Variants in EHD2 observed in about 807,000 individuals in gnomAD.
The protein encoded by EHD2 is EH domain containing 2, also known as EH domain-containing protein 2.
A neutral mutation model predicts 41.0 loss-of-function variants in EHD2; 27 were observed. The observed-to-expected ratio is 0.66, with a 90% CI of 0.49 to 0.91. The LOEUF is 0.91. Ranked by LOEUF, EHD2 falls within the 40% of genes least tolerant of loss-of-function variation. EHD2 has a pLI of 0.00. For synonymous variants in EHD2, 342 were observed against 341.0 expected, an observed-to-expected ratio of 1.00 and a Z score of -0.03; for missense variants, 673 against 773.9, an observed-to-expected ratio of 0.87 and a Z score of 1.55.
At chr19:47,721,611 C>T (rs1184389899) in intron 3 of EHD2, among the ~76,000 whole-genome samples, 1 of 152,032 alleles carries the variant, frequency 6.6e-6, no homozygotes, top group Non-Finnish European at 1.5e-5. Context: ...ACCGCCCAGC[C>T]TATTTTCTGC....
At position 47,737,028 on chromosome 19, in the gene EHD2, A is replaced by G. The variant is rs11878255; in HGVS notation, c.1080+495A>G. ...GGGCGGATCACGAGGTCAGCAGATC[A>G]AGACCATCCTGGCTAACACGGTGAA... On this transcript the variant is annotated intron_variant, in intron 5 of 5. Coordinates refer to ENST00000263277, the MANE Select transcript of EHD2 (RefSeq NM_014601.4). Among the ~76,000 whole-genome samples the G allele has an allele frequency of 7.0e-3, 1,060 of 151,388 alleles. 13 individuals are homozygous for G. The highest frequency in any genetic ancestry group is 0.023 in the African/African-American group (946 of 41,294).
At chr19:47,730,320 G>A (rs1361452908) in intron 4 of EHD2, among the ~76,000 whole-genome samples, 2 of 145,722 alleles carry the variant, frequency 1.4e-5, no homozygotes, top group Admixed American at 6.9e-5. Flanking sequence ...CACAGGCCCC[G>A]CCCCCAGCCC....
intron 5 of EHD2, among the ~76,000 whole-genome samples, chr19:47,738,801 CTT>C (rs1226160012): frequency 6.6e-6 from 1 of 152,192 alleles, no homozygotes; most frequent in Non-Finnish European, 1.5e-5. Context: ...GCCTCTCTGC[CTT>C]GGCTCAGGAA....
chr19:47,741,053 A>G lies in EHD2; in HGVS notation c.1253A>G (p.His418Arg). ...GVQGGAFEGT[H>R]MGPFVERGPD... ...CAGGGGGGCGCTTTTGAGGGCACCC[A>G]CATGGGCCCGTTTGTGGAGCGGGGA... Residue 418 changes from histidine (H) to arginine (R), a missense_variant, in exon 6 of 6, where the codon CAC (histidine) becomes CGC (arginine). Transcript: ENST00000263277. This position sits in a 1 kb window ranked among gnomAD's most constrained non-coding sequence, Gnocchi z 4.5. 1 of 1,609,754 alleles carries G rather than the reference A, an allele frequency of 6.2e-7. No individual in the cohort carries two copies. The highest frequency in any genetic ancestry group is 8.5e-7 in the Non-Finnish European group (1 of 1,179,566).
At chr19:47,733,751 C>CA (rs34254815) in intron 4 of EHD2, among the ~76,000 whole-genome samples, 1,659 of 56,912 alleles carry the variant, frequency 0.029, 146 homozygotes, top group East Asian at 0.24. Flanking sequence ...GACTCTGTCT[C>CA]AAAAAAAAAA....
chr19:47,736,342 A>T, intron 4 of EHD2, 27 bp from the exon 5 acceptor site: 2 of 1,589,468 alleles, frequency 1.3e-6, no homozygotes, highest in South Asian at 1.2e-5. Context: ...ACCCTGATGC[A>T]GGCTGAGGTG....
chr19:47,725,621 G>A (rs1202776892), intron 3 of EHD2, among the ~76,000 whole-genome samples, 191 bp from the exon 4 acceptor site: 9 of 152,176 alleles, frequency 5.9e-5, no homozygotes, highest in African/African-American at 2.2e-4. Context: ...GAAATTCTGG[G>A]CACTGGAGAG....
At chr19:47,722,355 C>T (rs1358304730) in intron 3 of EHD2, among the ~76,000 whole-genome samples, 1 of 152,138 alleles carries the variant, frequency 6.6e-6, no homozygotes, top group African/African-American at 2.4e-5. Context: ...AGGGGGGGCT[C>T]CAGTTGCTGT....
Position 47,741,361 on chromosome 19 carries a change from G to A in EHD2, c.1561G>A (p.Gly521Arg), listed in dbSNP as rs144866333. 8.1e-6 allele frequency: 13 copies of A among 1,608,582 alleles called. No homozygotes were observed. The highest frequency in any genetic ancestry group is 1.1e-5 in the Non-Finnish European group (13 of 1,179,442). Residue 521 changes from glycine (G) to arginine (R), a missense_variant, in exon 6 of 6, where the codon GGG becomes AGG. By Grantham distance (125) the Gly-to-Arg change is moderately radical. Transcript: ENST00000263277. The surrounding 1 kb of genome is among the most constrained non-coding windows in gnomAD (Gnocchi z 4.5). The part of the protein sequence containing the change: ...HLIEAKLEGH[G>R]LPANLPRRLV... ...CATCGAGGCCAAGCTGGAAGGCCAC[G>A]GGCTGCCCGCCAACCTGCCCCGTCG...
chr19:47,718,770 GGATCTGAGGGAGGAGGGGCTGGGCCCA>G (rs1973662140), intron 3 of EHD2, among the ~76,000 whole-genome samples, 164 bp downstream of exon 3: 4 of 138,020 alleles, frequency 2.9e-5, no homozygotes, highest in South Asian at 2.3e-4. Context: ...CTGGACTCCT[GGATCTGAGGGAGGAGGGGCTGGGCCCA>G]GACTCCTGGG....
chr19:47,735,921 G>A (rs1181845937), intron 4 of EHD2, among the ~76,000 whole-genome samples: 2 of 151,612 alleles, frequency 1.3e-5, no homozygotes, highest in Non-Finnish European at 1.5e-5. Flanking sequence ...AAAAAGACTG[G>A]GCACGGTGGC....
Position 47,725,845 on chromosome 19 carries a change from C to T in EHD2, c.536C>T (p.Ala179Val). The T allele has an allele frequency of 4.4e-6, 7 of 1,599,454 alleles. No homozygotes were observed. The highest frequency in any genetic ancestry group is 6.0e-6 in the Non-Finnish European group (7 of 1,168,690). Residue 179 changes from alanine (A) to valine (V), a missense_variant, in exon 4 of 6, where the codon GCG becomes GTG. Transcript: ENST00000263277. ...TTCCCGGCCGTGCTGCGCTGGTTCG[C>T]GGAGCGCGTGGACCTCATCATCCTG... The part of the protein sequence containing the change: ...YDFPAVLRWF[A>V]ERVDLIILLF...
At position 47,736,410 on chromosome 19, in the gene EHD2, C is replaced by G. The variant is rs369898716; in HGVS notation, c.957C>G (p.Pro319=). ...TCAGCTACCTGAAGAAGGAGATGCC[C>G]TCTGTGTTTGGGAAGGAGAACAAGA... ...YIISYLKKEM[P]SVFGKENKKK... is the part of the protein sequence containing the mutation. Residue 319 remains proline (P), a synonymous_variant, in exon 5 of 6, where the codon CCC becomes CCG. Coordinates refer to ENST00000263277, the MANE Select transcript of EHD2 (RefSeq NM_014601.4). The G allele has an allele frequency of 9.3e-6, 15 of 1,613,278 alleles. No homozygotes were observed. The highest frequency in any genetic ancestry group is 1.7e-5 in the Admixed American group (1 of 59,858).
chr19:47,729,051 G>C (rs1973781756), intron 4 of EHD2, among the ~76,000 whole-genome samples: 1 of 152,220 alleles, frequency 6.6e-6, no homozygotes, highest in Admixed American at 6.6e-5. Context: ...GATGGTTCCA[G>C]TCCTGTCCTG....
At chr19:47,727,854 G>A (rs942479350) in intron 4 of EHD2, among the ~76,000 whole-genome samples, 3 of 152,142 alleles carry the variant, frequency 2.0e-5, no homozygotes, top group African/African-American at 7.2e-5. Flanking sequence ...AACACTTTGG[G>A]AGGCCGAGGG....
At chr19:47,737,848 A>G (rs1044236135) in intron 5 of EHD2, among the ~76,000 whole-genome samples, 1 of 149,576 alleles carries the variant, frequency 6.7e-6, no homozygotes, top group Admixed American at 6.7e-5. Context: ...AGCTGGGACT[A>G]CAGGCACATG....
intron 3 of EHD2, among the ~76,000 whole-genome samples, chr19:47,723,742 A>G (rs1268670977): frequency 6.6e-6 from 1 of 151,744 alleles, no homozygotes; most frequent in Non-Finnish European, 1.5e-5. Flanking sequence ...CAATGACGCA[A>G]TCATGGCTCA....
chr19:47,733,868 C>T (rs905360329), intron 4 of EHD2, among the ~76,000 whole-genome samples: 2 of 151,768 alleles, frequency 1.3e-5, no homozygotes, highest in African/African-American at 4.8e-5. Context: ...ACCACAGGAA[C>T]CCCCGAAAGG....
chr19:47,734,243 G>A (rs1966899146), intron 4 of EHD2, among the ~76,000 whole-genome samples: 2 of 152,092 alleles, frequency 1.3e-5, no homozygotes, highest in South Asian at 4.1e-4. Context: ...GCTGAGGTGG[G>A]AGGATGGATT....
Sources: gnomAD v4.1 joint callset for allele counts (sites outside exome capture counted in the v4.1 genomes callset) on GRCh38, gnomAD v4.1.1 for gene constraint, Gnocchi (gnomAD v3.1) non-coding constraint, MANE v1.5 for transcripts, NCBI Gene and HGNC (gene_info 2026-07-23, HGNC 2026-07-21) for gene names.